The following RYR3 variants were observed in gnomAD, a reference collection of about 807,000 sequenced individuals.
RYR3 encodes the protein ryanodine receptor 3.
A neutral mutation model predicts 584.3 loss-of-function variants in RYR3; 207 were observed. The observed-to-expected ratio is 0.35, with a 90% CI of 0.32 to 0.40. The LOEUF is 0.40. Ranked by LOEUF, RYR3 falls within the 10% of genes least tolerant of loss-of-function variation. The pLI is 1.00. For missense variants in RYR3, 5,616 were observed against 6,089.2 expected (o/e 0.92, Z 2.59); for synonymous variants, 2,416 against 2,248.5 (o/e 1.07, Z -2.11).
intron 52 of RYR3, among the ~76,000 whole-genome samples, chr15:33,743,079 G>A (rs769235714): frequency 1.3e-5 from 2 of 152,236 alleles, no homozygotes; most frequent in Admixed American, 1.3e-4. Flanking sequence ...TGGGCAGCCA[G>A]TTAAGGATTG....
intron 2 of RYR3, among the ~76,000 whole-genome samples, chr15:33,487,075 A>G (rs2596174): frequency 0.47 from 70,551 of 151,476 alleles, 16,771 homozygotes; most frequent in Non-Finnish European, 0.52. Flanking sequence ...GTGGGCATCT[A>G]TAGTCCCAGC....
At chr15:33,678,364 C>G (rs894499067) in intron 38 of RYR3, among the ~76,000 whole-genome samples, 10 of 152,088 alleles carry the variant, frequency 6.6e-5, no homozygotes, top group Admixed American at 6.6e-4. Context: ...AGTTCTTCCC[C>G]CTTCATACGC....
At chr15:33,857,548 A>G (rs1222187146) in intron 98 of RYR3, among the ~76,000 whole-genome samples, 1 of 151,864 alleles carries the variant, frequency 6.6e-6, no homozygotes, top group African/African-American at 2.4e-5. Context: ...TCAGCCCCCA[A>G]CACCCCATCA....
intron 58 of RYR3, among the ~76,000 whole-genome samples, chr15:33,755,430 C>T (rs1434647561): frequency 6.6e-6 from 1 of 152,000 alleles, no homozygotes; most frequent in East Asian, 1.9e-4. Flanking sequence ...ACCATCCTGG[C>T]CAACATGGTG....
intron 25 of RYR3, 72 bp from the exon 26 acceptor site, chr15:33,635,542 T>C: frequency 1.8e-6 from 2 of 1,141,442 alleles, no homozygotes; most frequent in East Asian, 2.5e-5. Flanking sequence ...TGAGTAGTGC[T>C]ACCTAATTAT....
intron 15 of RYR3, among the ~76,000 whole-genome samples, 158 bp downstream of exon 15, chr15:33,584,648 A>G (rs944947226): frequency 1.3e-5 from 2 of 152,102 alleles, no homozygotes; most frequent in Non-Finnish European, 2.9e-5. Context: ...GCTTCCTGGC[A>G]CCTGTACGAC....
At chr15:33,668,248 C>A (rs1457394791) in intron 36 of RYR3, among the ~76,000 whole-genome samples, 1 of 150,870 alleles carries the variant, frequency 6.6e-6, no homozygotes, top group Non-Finnish European at 1.5e-5. Context: ...ACCCGGGAGG[C>A]GGAGCTTGCA....
intron 16 of RYR3, among the ~76,000 whole-genome samples, chr15:33,600,675 C>T (rs1382162714): frequency 6.6e-5 from 10 of 151,920 alleles, no homozygotes; most frequent in South Asian, 2.1e-4. Context: ...AGAAGGAGAG[C>T]GGGTAAAATA....
Position 33,591,756 on chromosome 15 carries a change from A to G in RYR3, c.1788+5640A>G, listed in dbSNP as rs149098674. Among the ~76,000 whole-genome samples, 60 of 152,350 alleles carry G rather than the reference A, an allele frequency of 3.9e-4. 1 individual carries two copies. The highest frequency in any genetic ancestry group is 1.4e-3 in the African/African-American group (60 of 41,586). Reference sequence around the variant, plus strand: ...TTGGGTCTACCTTTGAGAAAAATATATGATAAAATAGTAATATCATTGATT... The same window carrying G: ...TTGGGTCTACCTTTGAGAAAAATATGTGATAAAATAGTAATATCATTGATT... On this transcript the variant is annotated intron_variant, in intron 16 of 103. Transcript: ENST00000634891.
intron 2 of RYR3, among the ~76,000 whole-genome samples, chr15:33,489,846 C>T (rs1309349689): frequency 6.6e-6 from 1 of 152,166 alleles, no homozygotes; most frequent in Admixed American, 6.5e-5. Context: ...TCTTTCTCTG[C>T]ACCCTCACCA....
Position 33,854,548 on chromosome 15 carries a change from C to T in RYR3, c.13860+99C>T. 4.4e-6 allele frequency: 5 copies of T among 1,124,760 alleles called. No individual in the cohort carries two copies. The Admixed American group carries it at 8.3e-5, about 19-fold the overall frequency. 69.7% of individuals were successfully genotyped at this position (1,124,760 alleles called of 1,614,324 possible). A position where few individuals can be genotyped will look rare whatever the true frequency, so the allele number is the denominator to read the frequency against. On this transcript the variant is annotated intron_variant, in intron 97 of 103. Coordinates refer to ENST00000634891, the MANE Select transcript of RYR3 (RefSeq NM_001036.6). ...GATGCTCAGAAGGGTTCAGGGATTG[C>T]TTATCAAAGACCAAGAGCCTTATAC... is the stretch of plus-strand genomic sequence containing the variant.
chr15:33,698,678 G>A lies in RYR3; in HGVS notation c.6249+682G>A, dbSNP rs781101894. ...GCAGTTTCATCAGTGCTACTGGGGA[G>A]GGGGTGGGTGTGTAGAAGGAACAGA... On this transcript the variant is annotated intron_variant, in intron 40 of 103. Coordinates refer to ENST00000634891, the MANE Select transcript of RYR3 (RefSeq NM_001036.6). Among the ~76,000 whole-genome samples, 50 of 152,228 alleles carry A rather than the reference G, an allele frequency of 3.3e-4. 1 individual carries two copies. The Middle Eastern group carries it at 0.01, about 31-fold the overall frequency.
chr15:33,547,581 A>G (rs2056343009), intron 8 of RYR3, among the ~76,000 whole-genome samples: 1 of 152,226 alleles, frequency 6.6e-6, no homozygotes, highest in Non-Finnish European at 1.5e-5. Context: ...AAAACACATT[A>G]AAAGATGATT....
chr15:33,364,457 C>T (rs1443665640), intron 1 of RYR3, among the ~76,000 whole-genome samples: 5 of 152,188 alleles, frequency 3.3e-5, no homozygotes, highest in East Asian at 1.9e-4. Context: ...TATCCCTTTC[C>T]TCTACATCTT....
intron 66 of RYR3, among the ~76,000 whole-genome samples, chr15:33,787,315 G>A (rs2074792177): frequency 6.6e-6 from 1 of 152,208 alleles, no homozygotes; most frequent in Non-Finnish European, 1.5e-5. Context: ...TGAATGCAGA[G>A]AGTGCCATTA....
intron 3 of RYR3, among the ~76,000 whole-genome samples, chr15:33,512,031 G>C (rs1440987824): frequency 6.6e-6 from 1 of 152,176 alleles, no homozygotes; most frequent in Non-Finnish European, 1.5e-5. Context: ...GCCCGCCTCG[G>C]CCTTCCAAAG....
intron 65 of RYR3, among the ~76,000 whole-genome samples, chr15:33,782,178 G>A (rs2152903750): frequency 6.6e-6 from 1 of 152,314 alleles, no homozygotes; most frequent in East Asian, 1.9e-4. Flanking sequence ...CTGCTCTTTA[G>A]TTCATAAAGG....
chr15:33,369,844 T>C (rs2040198898), intron 1 of RYR3, among the ~76,000 whole-genome samples: 1 of 152,196 alleles, frequency 6.6e-6, no homozygotes, highest in South Asian at 2.1e-4. Flanking sequence ...TATGTGTTGG[T>C]TCTCTTTGTG....
chr15:33,847,867 G>A (rs1213545829), intron 93 of RYR3, among the ~76,000 whole-genome samples: 1 of 152,134 alleles, frequency 6.6e-6, no homozygotes, highest in Admixed American at 6.5e-5. Flanking sequence ...ACATTGAAGG[G>A]AGTTGGAACA....
Sources: allele counts gnomAD v4.1 joint callset (sites outside exome capture counted in the v4.1 genomes callset), GRCh38; gene constraint gnomAD v4.1.1; transcripts MANE v1.5; gene names NCBI Gene and HGNC (gene_info 2026-07-23, HGNC 2026-07-21).